CBLB: variants seen among roughly 807,000 people sequenced by gnomAD.
The protein encoded by CBLB is E3 ubiquitin-protein ligase CBL-B.
CBLB carries 31 observed loss-of-function variants against 104.9 expected under a neutral mutation model. The ratio of observed to expected loss-of-function variants is 0.30; its 90% CI spans 0.22 to 0.40. The LOEUF is 0.40. Among genes scored for constraint, CBLB ranks in the 10% least tolerant of loss-of-function variants. The probability of loss-of-function intolerance (pLI) is 1.00; values close to 1 mark genes in which losing one functional copy is unlikely to be tolerated. For missense variants in CBLB, 1,062 were observed against 1,214.6 expected (o/e 0.87, Z 1.87); for synonymous variants, 440 against 422.6 (o/e 1.04, Z -0.51).
chr3:105,769,752 A>C (rs1206963204), intron 4 of CBLB, among the ~76,000 whole-genome samples: 1 of 152,250 alleles, frequency 6.6e-6, no homozygotes, highest in East Asian at 1.9e-4. Flanking sequence ...AAAGTTTCTA[A>C]AGCTTGTGAT....
intron 3 of CBLB, among the ~76,000 whole-genome samples, chr3:105,847,270 T>C (rs929586173): frequency 1.3e-5 from 2 of 151,968 alleles, no homozygotes; most frequent in East Asian, 1.9e-4. Flanking sequence ...AGCCAAACAG[T>C]CAATGGAGAA....
chr3:105,679,660 T>G (rs1972938), intron 16 of CBLB, among the ~76,000 whole-genome samples: 1 of 151,894 alleles, frequency 6.6e-6, no homozygotes, highest in Non-Finnish European at 1.5e-5. Context: ...ACTGTAATCC[T>G]GGCTACTCGG....
chr3:105,821,969 T>C (rs1321251059), intron 3 of CBLB, among the ~76,000 whole-genome samples: 2 of 152,158 alleles, frequency 1.3e-5, no homozygotes, highest in African/African-American at 2.4e-5. Flanking sequence ...TTCTGCATCT[T>C]AACATTTTTT....
At chr3:105,861,128 C>T (rs2092047479) in intron 2 of CBLB, among the ~76,000 whole-genome samples, 2 of 141,248 alleles carry the variant, frequency 1.4e-5, no homozygotes, top group African/African-American at 5.4e-5. Flanking sequence ...CCTACAAATA[C>T]TTAAAAACAA....
intron 10 of CBLB, among the ~76,000 whole-genome samples, chr3:105,718,305 T>C (rs1313760255): frequency 6.6e-6 from 1 of 152,156 alleles, no homozygotes; most frequent in Non-Finnish European, 1.5e-5. Context: ...ACCAATAAGA[T>C]AAATAATAAA....
chr3:105,752,586 T>C (rs752093075), intron 4 of CBLB, among the ~76,000 whole-genome samples: 2 of 152,214 alleles, frequency 1.3e-5, no homozygotes, highest in Non-Finnish European at 2.9e-5. Context: ...AGCAAATATT[T>C]AAATCTTAGG....
chr3:105,688,028 T>C (rs11712086), intron 13 of CBLB, among the ~76,000 whole-genome samples: 19,044 of 152,040 alleles, frequency 0.13, 1,311 homozygotes, highest in African/African-American at 0.17. Flanking sequence ...GTAAAATAAT[T>C]AGATTTATAT....
At chr3:105,863,772 C>A (rs2092267738) in intron 2 of CBLB, among the ~76,000 whole-genome samples, 3 of 152,144 alleles carry the variant, frequency 2.0e-5, no homozygotes, top group African/African-American at 7.2e-5. Flanking sequence ...TTTTTAAATT[C>A]TTTTGGTAAT....
chr3:105,705,549 T>G (rs2069962618), intron 10 of CBLB, among the ~76,000 whole-genome samples: 1 of 152,196 alleles, frequency 6.6e-6, no homozygotes, highest in Non-Finnish European at 1.5e-5. Context: ...TTTATTGGGA[T>G]TTGTCTAATT....
rs1238275707 is a variant in CBLB at position 105,731,156 on chromosome 3, T to C, written c.1203+2853A>G. On this transcript the variant is annotated intron_variant, in intron 9 of 18. Coordinates refer to ENST00000394030, the MANE Select transcript of CBLB (RefSeq NM_170662.5). ...ACAGTAACACATAGACATGTTGTGG[T>C]GATGTAAAATGTTGTGGTGATTACA... 2.0e-5 allele frequency among the ~76,000 whole-genome samples: 3 copies of C among 152,168 alleles called. No individual in the cohort carries two copies. The East Asian group carries it at 5.8e-4, about 29-fold the overall frequency.
chr3:105,845,554 T>A (rs1205036082), intron 3 of CBLB, among the ~76,000 whole-genome samples: 1 of 144,526 alleles, frequency 6.9e-6, no homozygotes, highest in East Asian at 2.0e-4. Context: ...AAACTGCTAT[T>A]AAAAAAAAAA....
intron 13 of CBLB, among the ~76,000 whole-genome samples, chr3:105,688,930 T>A (rs1399066498): frequency 2.0e-5 from 3 of 152,132 alleles, no homozygotes. Context: ...GCTTTGTACT[T>A]GTGTTCTATC....
At chr3:105,697,386 G>A (rs543439622) in intron 12 of CBLB, among the ~76,000 whole-genome samples, 1 of 151,970 alleles carries the variant, frequency 6.6e-6, no homozygotes, top group African/African-American at 2.4e-5. Context: ...AAAACATATG[G>A]GACCCTTGAG....
intron 3 of CBLB, among the ~76,000 whole-genome samples, chr3:105,809,351 C>T (rs1034772670): frequency 3.9e-5 from 6 of 152,144 alleles, no homozygotes; most frequent in Non-Finnish European, 8.8e-5. Context: ...CGGAATTCCA[C>T]TCCTTAAAAA....
At chr3:105,678,261 C>T (rs2152718257) in intron 17 of CBLB, among the ~76,000 whole-genome samples, 170 bp downstream of exon 17, 1 of 152,224 alleles carries the variant, frequency 6.6e-6, no homozygotes, top group South Asian at 2.1e-4. Flanking sequence ...GGCATTAAAC[C>T]AATCAACTGA....
chr3:105,805,446 A>T (rs1408642851), intron 3 of CBLB, among the ~76,000 whole-genome samples: 1 of 152,072 alleles, frequency 6.6e-6, no homozygotes, highest in Non-Finnish European at 1.5e-5. Context: ...TTGGGATTAC[A>T]GGCATGTGCC....
At chr3:105,868,440 C>A (rs958985608) in intron 1 of CBLB, 88 of 379,332 alleles carry the variant, frequency 2.3e-4, no homozygotes, top group Non-Finnish European at 5.6e-5. Context: ...CCCTCCCGTG[C>A]CCGCAGCACC....
chr3:105,701,476 G>A (rs537903233), intron 12 of CBLB, among the ~76,000 whole-genome samples: 13 of 152,200 alleles, frequency 8.5e-5, no homozygotes, highest in East Asian at 1.9e-4. Flanking sequence ...TAAAAATACC[G>A]TGCTGGCTGG....
At chr3:105,763,561 C>T (rs2077896793) in intron 4 of CBLB, among the ~76,000 whole-genome samples, 1 of 152,168 alleles carries the variant, frequency 6.6e-6, no homozygotes, top group Non-Finnish European at 1.5e-5. Context: ...CTTTCGCCTT[C>T]CACCACGATT....
Sources: allele counts gnomAD v4.1 joint callset (sites outside exome capture counted in the v4.1 genomes callset), GRCh38; gene constraint gnomAD v4.1.1; transcripts MANE v1.5; gene names NCBI Gene and HGNC (gene_info 2026-07-23, HGNC 2026-07-21).